The following TAFA1 variants were observed in gnomAD, a reference collection of about 807,000 sequenced individuals.
The protein encoded by TAFA1 is chemokine-like protein TAFA-1.
A neutral mutation model predicts 18.5 loss-of-function variants in TAFA1; 4 were observed. That is an observed-to-expected ratio of 0.22 (90% CI 0.11 to 0.49). The LOEUF is 0.49. TAFA1 is among the 20% of genes least tolerant of loss of function. TAFA1 has a pLI of 0.98. For synonymous variants in TAFA1, 56 were observed against 55.2 expected (o/e 1.01, Z -0.06); for missense variants, 147 against 169.0 (o/e 0.87, Z 0.72).
At chr3:68,231,308 CA>C (rs1197001520) in intron 2 of TAFA1, among the ~76,000 whole-genome samples, 6 of 148,802 alleles carry the variant, frequency 4.0e-5, no homozygotes, top group Non-Finnish European at 1.5e-5. Context: ...TGCTTTAACA[CA>C]TATCTGTCAA....
At chr3:68,224,331 A>G (rs2066770012) in intron 2 of TAFA1, among the ~76,000 whole-genome samples, 1 of 152,096 alleles carries the variant, frequency 6.6e-6, no homozygotes, top group Non-Finnish European at 1.5e-5. Flanking sequence ...GCTTTTCTTC[A>G]AGGATAAGGG....
At chr3:68,076,984 T>C (rs1387312065) in intron 2 of TAFA1, among the ~76,000 whole-genome samples, 1 of 152,188 alleles carries the variant, frequency 6.6e-6, no homozygotes, top group East Asian at 1.9e-4. Context: ...TTCCTGACTT[T>C]TTAATGATTG....
intron 2 of TAFA1, among the ~76,000 whole-genome samples, chr3:68,053,430 A>T (rs2064496548): frequency 6.6e-6 from 1 of 152,110 alleles, no homozygotes; most frequent in African/African-American, 2.4e-5. Flanking sequence ...GTAGAGTCTG[A>T]TGGTACTTTT....
chr3:68,331,126 GTA>G (rs2068860890), intron 2 of TAFA1, among the ~76,000 whole-genome samples: 2 of 152,060 alleles, frequency 1.3e-5, no homozygotes, highest in Non-Finnish European at 2.9e-5. Flanking sequence ...TTAAGTACTA[GTA>G]CATGCTATAA....
intron 2 of TAFA1, among the ~76,000 whole-genome samples, chr3:68,372,639 G>A (rs2106820774): frequency 6.6e-6 from 1 of 152,276 alleles, no homozygotes; most frequent in East Asian, 1.9e-4. Flanking sequence ...GCATAATGCA[G>A]TATAGCCTTG....
intron 2 of TAFA1, among the ~76,000 whole-genome samples, chr3:68,343,874 G>T (rs2069123992): frequency 6.6e-6 from 1 of 152,192 alleles, no homozygotes; most frequent in Non-Finnish European, 1.5e-5. Flanking sequence ...ATGGAGTTTT[G>T]CTCCTGTTGC....
intron 2 of TAFA1, among the ~76,000 whole-genome samples, chr3:68,202,998 A>G (rs1029853530): frequency 6.6e-6 from 1 of 151,706 alleles, no homozygotes; most frequent in Non-Finnish European, 1.5e-5. Flanking sequence ...ATGTTTGCTG[A>G]CTAATTCCCT....
intron 2 of TAFA1, among the ~76,000 whole-genome samples, chr3:68,349,987 C>G (rs1185752561): frequency 6.6e-6 from 1 of 152,112 alleles, no homozygotes; most frequent in East Asian, 1.9e-4. Flanking sequence ...CAGTTTACTT[C>G]AGTCGTTAGC....
intron 2 of TAFA1, among the ~76,000 whole-genome samples, chr3:68,206,942 A>G (rs180940929): frequency 1.6e-4 from 25 of 152,036 alleles, no homozygotes; most frequent in African/African-American, 5.8e-4. Flanking sequence ...AGTGATGAAG[A>G]GTAGAAATGA....
intron 2 of TAFA1, among the ~76,000 whole-genome samples, chr3:68,075,185 G>C (rs2064808287): frequency 6.6e-6 from 1 of 152,212 alleles, no homozygotes; most frequent in Admixed American, 6.5e-5. Context: ...AGGTGGCATA[G>C]TGATTGCCTG....
chr3:68,432,326 G>T (rs1348350056), intron 3 of TAFA1, among the ~76,000 whole-genome samples: 1 of 151,936 alleles, frequency 6.6e-6, no homozygotes, highest in Non-Finnish European at 1.5e-5. Flanking sequence ...TGGAAGAGTT[G>T]AAGGGAATAT....
chr3:68,114,509 C>A (rs2065302298), intron 2 of TAFA1, among the ~76,000 whole-genome samples: 1 of 152,096 alleles, frequency 6.6e-6, no homozygotes, highest in African/African-American at 2.4e-5. Context: ...TCTCATTGAT[C>A]CTTAGGGAAA....
At chr3:68,123,721 T>C (rs2065428873) in intron 2 of TAFA1, among the ~76,000 whole-genome samples, 1 of 152,038 alleles carries the variant, frequency 6.6e-6, no homozygotes, top group Non-Finnish European at 1.5e-5. Context: ...TATTTCTAAA[T>C]CCACGTGATT....
intron 3 of TAFA1, among the ~76,000 whole-genome samples, chr3:68,428,872 C>T (rs971509830): frequency 3.3e-5 from 5 of 151,906 alleles, no homozygotes; most frequent in Non-Finnish European, 7.4e-5. Flanking sequence ...TCCTTTGGTG[C>T]CTATGCACTA....
At chr3:68,399,768 T>C (rs912007478) in intron 2 of TAFA1, among the ~76,000 whole-genome samples, 2 of 152,134 alleles carry the variant, frequency 1.3e-5, no homozygotes, top group East Asian at 1.9e-4. Flanking sequence ...AGGTACATAG[T>C]TGGAACACTA....
chr3:68,087,462 C>T (rs1415738575), intron 2 of TAFA1, among the ~76,000 whole-genome samples: 3 of 152,008 alleles, frequency 2.0e-5, no homozygotes, highest in African/African-American at 7.2e-5. Context: ...ATAACTACCA[C>T]CTACAGAAAA....
chr3:68,113,150 G>C (rs145643340), intron 2 of TAFA1, among the ~76,000 whole-genome samples: 1 of 152,042 alleles, frequency 6.6e-6, no homozygotes, highest in African/African-American at 2.4e-5. Flanking sequence ...GCAATTTTTC[G>C]CACCAGATCC....
chr3:68,181,393 A>C (rs1193492309), intron 2 of TAFA1, among the ~76,000 whole-genome samples: 1 of 152,088 alleles, frequency 6.6e-6, no homozygotes, highest in South Asian at 2.1e-4. Context: ...AAAAAAAAAA[A>C]AACTTCCTTA....
intron 2 of TAFA1, among the ~76,000 whole-genome samples, chr3:68,385,581 G>T (rs148268378): frequency 6.6e-6 from 1 of 151,970 alleles, no homozygotes; most frequent in African/African-American, 2.4e-5. Context: ...GAATAAATCC[G>T]CATGAAGCAC....
Sources: allele counts gnomAD v4.1 joint callset (sites outside exome capture counted in the v4.1 genomes callset), GRCh38; gene constraint gnomAD v4.1.1; transcripts MANE v1.5; gene names NCBI Gene and HGNC (gene_info 2026-07-23, HGNC 2026-07-21).